Variants in KIDINS220 observed in about 807,000 individuals in gnomAD.
KIDINS220 encodes kinase D-interacting substrate of 220 kDa.
A neutral mutation model predicts 157.6 loss-of-function variants in KIDINS220; 63 were observed. The observed-to-expected ratio is 0.40, with a 90% CI of 0.33 to 0.49. The LOEUF (loss-of-function observed/expected upper bound fraction) is 0.49, where lower values mean the gene tolerates loss of function less well. KIDINS220 is among the 20% of genes least tolerant of loss of function. The pLI is 0.66. For synonymous variants in KIDINS220, 732 were observed against 783.6 expected (o/e 0.93, Z 1.10); for missense variants, 1,772 against 2,171.2 (o/e 0.82, Z 3.65).
At position 8,826,978 on chromosome 2, in the gene KIDINS220, G is replaced by C. The variant is rs1678905603; in HGVS notation, c.108+8C>G. ...TGAAAGAATGTAATTTTGCAAACTT[G>C]GTCTTACCTCATTTCTCTCATCTAC... On this transcript the variant is annotated splice_region_variant and intron_variant, in intron 2 of 29. Transcript: ENST00000256707. 6.5e-7 allele frequency: 1 copy of C among 1,535,912 alleles called. No individual in the cohort carries two copies. Among genetic ancestry groups the C allele is most frequent in the Non-Finnish European group, 9.0e-7 (1 of 1,112,850 alleles).
intron 4 of KIDINS220, among the ~76,000 whole-genome samples, chr2:8,815,438 C>T (rs957083326): frequency 1.3e-5 from 2 of 151,650 alleles, no homozygotes; most frequent in African/African-American, 4.8e-5. Flanking sequence ...GAGGCCTAGG[C>T]AGGAGGATCA....
downstream of KIDINS220, chr2:8,725,413 A>G (rs1007924479): frequency 6.6e-6 from 1 of 152,242 alleles, no homozygotes; most frequent in African/African-American, 2.4e-5. Context: ...AAAATTTCAT[A>G]AAAGGAACAT....
chr2:8,726,953 A>T (rs1285652099), downstream of KIDINS220: 1 of 1,283,146 alleles, frequency 7.8e-7, no homozygotes. Flanking sequence ...CCTAGGCATG[A>T]AAGGGTTTAA....
chr2:8,740,091 G>T, intron 26 of KIDINS220: 1 of 712,918 alleles, frequency 1.4e-6, no homozygotes, highest in Non-Finnish European at 1.7e-6. Flanking sequence ...GCATGAAGTT[G>T]CCAATGATTG....
At chr2:8,788,953 A>G (rs1396606294) in intron 14 of KIDINS220, 141 bp from the exon 15 acceptor site, 1 of 673,954 alleles carries the variant, frequency 1.5e-6, no homozygotes, top group African/African-American at 1.8e-5. Context: ...CTACTCCTCA[A>G]AGAATTCCAT....
chr2:8,793,518 C>G (rs1673487399), intron 12 of KIDINS220, among the ~76,000 whole-genome samples: 1 of 152,136 alleles, frequency 6.6e-6, no homozygotes, highest in Admixed American at 6.5e-5. Context: ...TGGCTCACTG[C>G]AATCTCCATC....
At chr2:8,741,361 G>A (rs1342513618) in intron 26 of KIDINS220, among the ~76,000 whole-genome samples, 2 of 152,202 alleles carry the variant, frequency 1.3e-5, no homozygotes, top group African/African-American at 4.8e-5. Flanking sequence ...GAGGTCAGGA[G>A]TTCAAGACCA....
rs1185145360 is a variant in KIDINS220 at position 8,795,228 on chromosome 2, G to A, written c.1099-1241C>T. Among the ~76,000 whole-genome samples, 3 of 152,242 alleles carry A rather than the reference G, an allele frequency of 2.0e-5. No homozygotes were observed. In the East Asian group the frequency reaches 5.8e-4, roughly 29 times the overall value. ...AGATTCCAGTACTAGATTTCCCAAT[G>A]TCTACTGGCCACAGGCTCCTGAATG... On this transcript the variant is annotated intron_variant, in intron 11 of 29. Transcript: ENST00000256707.
intron 26 of KIDINS220, among the ~76,000 whole-genome samples, chr2:8,741,741 T>C (rs1049924166): frequency 1.3e-5 from 2 of 152,224 alleles, no homozygotes; most frequent in Non-Finnish European, 2.9e-5. Flanking sequence ...TAGTTGAAAA[T>C]TGTTTAGGAA....
Position 8,793,792 on chromosome 2 carries a change from G to A in KIDINS220, c.1276+18C>T. On this transcript the variant is annotated intron_variant, in intron 12 of 29. Transcript: ENST00000256707. Reference sequence around the variant, plus strand: ...TGATTATTTAAAAGCTCAGTTAGGAGCAAAACTCAATACTTACTGGCTCCA... The same window carrying A: ...TGATTATTTAAAAGCTCAGTTAGGAACAAAACTCAATACTTACTGGCTCCA... The A allele has an allele frequency of 6.4e-7, 1 of 1,566,048 alleles. No individual in the cohort carries two copies. The highest frequency in any genetic ancestry group is 8.6e-7 in the Non-Finnish European group (1 of 1,156,868).
At chr2:8,754,174 A>G (rs1667718371) in intron 22 of KIDINS220, among the ~76,000 whole-genome samples, 1 of 152,174 alleles carries the variant, frequency 6.6e-6, no homozygotes, top group Non-Finnish European at 1.5e-5. Flanking sequence ...AAACAAATTA[A>G]CTGCATTTTA....
chr2:8,755,230 T>A (rs1465227059), intron 22 of KIDINS220, among the ~76,000 whole-genome samples: 1 of 152,216 alleles, frequency 6.6e-6, no homozygotes, highest in Non-Finnish European at 1.5e-5. Flanking sequence ...TTCCTACCCA[T>A]CCTTTGTGCT....
chr2:8,730,280 C>A lies in KIDINS220; in HGVS notation c.*440G>T. 1 of 998,346 alleles carries A rather than the reference C, an allele frequency of 1.0e-6. No homozygotes were observed. Among genetic ancestry groups the A allele is most frequent in the Non-Finnish European group, 1.2e-6 (1 of 838,540 alleles). The allele number at this position is 998,346 out of a possible 1,614,324, so 61.8% of individuals were successfully genotyped here. A position where few individuals can be genotyped will look rare whatever the true frequency, so the allele number is the denominator to read the frequency against. On this transcript the variant is annotated 3_prime_UTR_variant, in exon 30 of 30. Coordinates refer to ENST00000256707, the MANE Select transcript of KIDINS220 (RefSeq NM_020738.4). ...CAGGCTGTGCACTCACCTAGGTGAG[C>A]CCCTAAGAGCAGGGTTTGCTTCTGC...
downstream of KIDINS220, among the ~76,000 whole-genome samples, chr2:8,726,539 G>C (rs1455744307): frequency 6.6e-6 from 1 of 152,236 alleles, no homozygotes; most frequent in Non-Finnish European, 1.5e-5. Flanking sequence ...TTACAGCCAT[G>C]CATCAGTTGA....
intron 7 of KIDINS220, among the ~76,000 whole-genome samples, chr2:8,804,281 C>T (rs902720112): frequency 6.6e-6 from 1 of 152,210 alleles, no homozygotes; most frequent in Non-Finnish European, 1.5e-5. Context: ...CACTATGACC[C>T]AAGATCTGGT....
At chr2:8,744,544 G>A (rs574948171) in intron 26 of KIDINS220, among the ~76,000 whole-genome samples, 47 of 149,188 alleles carry the variant, frequency 3.2e-4, no homozygotes, top group Non-Finnish European at 6.2e-4. Context: ...GTCCAAAAAC[G>A]TTTGTGTAGT....
At position 8,793,945 on chromosome 2, in the gene KIDINS220, G is replaced by C; in HGVS notation, c.1141C>G (p.Arg381Gly). The C allele has an allele frequency of 6.2e-7, 1 of 1,613,280 alleles. No individual in the cohort carries two copies. The highest frequency in any genetic ancestry group is 1.7e-4 in the Middle Eastern group (1 of 6,058). The change falls in exon 12 of 30, where the codon CGG (arginine) becomes GGG (glycine). Residue 381 changes from arginine to glycine, a missense_variant. Coordinates refer to ENST00000256707, the MANE Select transcript of KIDINS220 (RefSeq NM_020738.4). ...PLHIAIRGRS[R>G]KLAELLLRNP... ...CTTAAAAGCAGTTCTGCCAGTTTCC[G>C]GCTCCTTCCACGAATAGCAATATGC... is the stretch of plus-strand genomic sequence containing the variant.
At chr2:8,737,068 C>A in intron 26 of KIDINS220, 69 bp from the exon 27 acceptor site, 3 of 1,433,772 alleles carry the variant, frequency 2.1e-6, no homozygotes, top group South Asian at 1.3e-5. Flanking sequence ...GGTCATGTGA[C>A]AGAGAAAAAC....
In KIDINS220 at chr2:8,747,869, A is replaced by G. The variant is rs745780737; in HGVS notation, c.3528+18T>C. The stretch of plus-strand genomic sequence containing the variant: ...TTATTATTAAATTAATATTTGCGTT[A>G]CCCTTTTATATACTTACTAGGCCAT... On this transcript the variant is annotated intron_variant, in intron 25 of 29. Transcript: ENST00000256707. 1 of 1,443,536 alleles carries G rather than the reference A, an allele frequency of 6.9e-7. No homozygotes were observed. The highest frequency in any genetic ancestry group is 2.4e-5 in the East Asian group (1 of 41,392). 89.4% of individuals were successfully genotyped at this position (1,443,536 alleles called of 1,614,324 possible). A position where few individuals can be genotyped will look rare whatever the true frequency, so the allele number is the denominator to read the frequency against.
Sources: allele counts gnomAD v4.1 joint callset (sites outside exome capture counted in the v4.1 genomes callset), GRCh38; gene constraint gnomAD v4.1.1; transcripts MANE v1.5; gene names NCBI Gene and HGNC (gene_info 2026-07-23, HGNC 2026-07-21).